FSTL5: variants seen among roughly 807,000 people sequenced by gnomAD.
FSTL5 encodes follistatin-related protein 5.
A neutral mutation model predicts 89.1 loss-of-function variants in FSTL5; 62 were observed. That is an observed-to-expected ratio of 0.70 (90% CI 0.57 to 0.86). The LOEUF (loss-of-function observed/expected upper bound fraction) is 0.86. Among genes scored for constraint, FSTL5 ranks in the 40% least tolerant of loss-of-function variants. The probability of loss-of-function intolerance (pLI) is 0.00; values close to 1 mark genes in which losing one functional copy is unlikely to be tolerated. For missense variants in FSTL5, 1,057 were observed against 1,001.6 expected, an observed-to-expected ratio of 1.06 and a Z score of -0.75; for synonymous variants, 383 against 346.2, an observed-to-expected ratio of 1.11 and a Z score of -1.18.
chr4:161,759,925 C>G (rs1046679820), intron 5 of FSTL5, among the ~76,000 whole-genome samples: 3 of 152,030 alleles, frequency 2.0e-5, no homozygotes, highest in Admixed American at 6.6e-5. Context: ...AAACAGTGGT[C>G]TTTCCCAACA....
intron 4 of FSTL5, among the ~76,000 whole-genome samples, chr4:161,829,139 T>TATA (rs376398343): frequency 2.1e-4 from 30 of 139,934 alleles, no homozygotes; most frequent in Admixed American, 2.9e-4. Flanking sequence ...CAGTCACATT[T>TATA]TATATATATA....
chr4:161,766,718 C>G (rs1167369820), intron 5 of FSTL5, among the ~76,000 whole-genome samples: 1 of 152,132 alleles, frequency 6.6e-6, no homozygotes, highest in East Asian at 1.9e-4. Flanking sequence ...TGAATTTAAT[C>G]AGAGGCTAAT....
rs372553494 is a variant in FSTL5, at chr4:161,699,810, C to T, written c.728-43316G>A. On this transcript the variant is annotated intron_variant, in intron 6 of 15. Coordinates refer to ENST00000306100, the MANE Select transcript of FSTL5 (RefSeq NM_020116.5). Reference sequence around the variant, plus strand: ...TATCTGATGCCAGAGTTGATGGGGGCAAAGAATGATTTAGAACCTAGAACA... The same window carrying T: ...TATCTGATGCCAGAGTTGATGGGGGTAAAGAATGATTTAGAACCTAGAACA... Among the ~76,000 whole-genome samples the T allele has an allele frequency of 5.9e-5, 9 of 152,134 alleles. No individual in the cohort carries two copies. In the East Asian group the frequency reaches 1.7e-3, roughly 30 times the overall value.
intron 15 of FSTL5, among the ~76,000 whole-genome samples, chr4:161,427,494 A>G (rs1732206611): frequency 6.6e-6 from 1 of 152,214 alleles, no homozygotes; most frequent in African/African-American, 2.4e-5. Context: ...AGTATTCCTT[A>G]GACTCTACGT....
chr4:161,707,178 T>C (rs1738611442), intron 6 of FSTL5, among the ~76,000 whole-genome samples: 1 of 151,910 alleles, frequency 6.6e-6, no homozygotes, highest in African/African-American at 2.4e-5. Flanking sequence ...TTATAATTTG[T>C]ATAAACAATT....
chr4:161,508,637 A>G (rs7694654), intron 11 of FSTL5, among the ~76,000 whole-genome samples: 2,576 of 152,256 alleles, frequency 0.017, 64 homozygotes, highest in African/African-American at 0.058. Context: ...GAAAGCTTCT[A>G]TTCTATACTT....
intron 3 of FSTL5, among the ~76,000 whole-genome samples, chr4:162,003,823 G>T (rs986748207): frequency 1.3e-5 from 2 of 152,004 alleles, no homozygotes; most frequent in Admixed American, 6.6e-5. Flanking sequence ...GTGAATACAG[G>T]GCTCTTTCCC....
chr4:162,143,733 CA>C (rs1561043071), intron 1 of FSTL5, among the ~76,000 whole-genome samples: 1,501 of 134,664 alleles, frequency 0.011, 33 homozygotes, highest in African/African-American at 0.038. Context: ...CACACACACA[CA>C]CACACACACA....
intron 6 of FSTL5, among the ~76,000 whole-genome samples, chr4:161,674,106 G>A: frequency 6.6e-6 from 1 of 151,982 alleles, no homozygotes; most frequent in East Asian, 1.9e-4. Context: ...ACTATTAATA[G>A]AAGTGTTTTT....
chr4:161,399,916 G>A (rs1731128389), intron 15 of FSTL5, among the ~76,000 whole-genome samples: 1 of 152,064 alleles, frequency 6.6e-6, no homozygotes. Flanking sequence ...TCTGGACTGT[G>A]AATGGCGCTA....
intron 2 of FSTL5, among the ~76,000 whole-genome samples, chr4:162,110,916 A>G (rs1309690443): frequency 6.6e-6 from 1 of 151,992 alleles, no homozygotes; most frequent in East Asian, 1.9e-4. Context: ...CATAACACTT[A>G]TTTAGTTTAA....
At chr4:162,010,047 T>C (rs961387943) in intron 3 of FSTL5, among the ~76,000 whole-genome samples, 4 of 151,940 alleles carry the variant, frequency 2.6e-5, no homozygotes, top group Admixed American at 1.3e-4. Flanking sequence ...ACTATGAACA[T>C]AAGTAGAGAT....
At position 161,397,744 on chromosome 4, in the gene FSTL5, G is replaced by A. The variant is rs1186814183; in HGVS notation, c.1842-11295C>T. Reference sequence around the variant, plus strand: ...TATATTAAAAATAAACAATGGTTAAGGTAATCTAACAAATGAGAGAAAATA... The same window carrying A: ...TATATTAAAAATAAACAATGGTTAAAGTAATCTAACAAATGAGAGAAAATA... On this transcript the variant is annotated intron_variant, in intron 15 of 15. Transcript: ENST00000306100. Among the ~76,000 whole-genome samples, 4 of 151,544 alleles carry A rather than the reference G, an allele frequency of 2.6e-5. No homozygotes were observed. In the East Asian group the frequency reaches 7.8e-4, roughly 29 times the overall value.
intron 15 of FSTL5, among the ~76,000 whole-genome samples, chr4:161,435,912 T>C (rs1560893919): frequency 6.6e-6 from 1 of 152,078 alleles, no homozygotes; most frequent in African/African-American, 2.4e-5. Flanking sequence ...TAAAACTTTT[T>C]TTAAAGTTTA....
chr4:161,535,235 C>T (rs533842038), intron 10 of FSTL5, among the ~76,000 whole-genome samples: 218 of 151,882 alleles, frequency 1.4e-3, no homozygotes, highest in South Asian at 9.1e-3. Flanking sequence ...CTAAGAAGTG[C>T]CTAATTAAAC....
At chr4:162,059,849 C>A (rs982617794) in intron 2 of FSTL5, among the ~76,000 whole-genome samples, 1 of 152,112 alleles carries the variant, frequency 6.6e-6, no homozygotes, top group Non-Finnish European at 1.5e-5. Context: ...GAAACTGACA[C>A]ACAGATGTCT....
At chr4:161,641,130 G>T (rs1735944292) in intron 7 of FSTL5, among the ~76,000 whole-genome samples, 1 of 152,142 alleles carries the variant, frequency 6.6e-6, no homozygotes, top group African/African-American at 2.4e-5. Flanking sequence ...CTGCTCACCT[G>T]CCCTGCTAGA....
At chr4:161,484,603 AAACT>A (rs1729616609) in intron 12 of FSTL5, among the ~76,000 whole-genome samples, 1 of 152,188 alleles carries the variant, frequency 6.6e-6, no homozygotes, top group South Asian at 2.1e-4. Context: ...CTTTCGCTCT[AAACT>A]AACCATGCTT....
intron 10 of FSTL5, among the ~76,000 whole-genome samples, chr4:161,530,459 T>TA (rs1180228136): frequency 6.8e-6 from 1 of 147,132 alleles, no homozygotes; most frequent in Non-Finnish European, 1.5e-5. Flanking sequence ...ATGTGTTTTT[T>TA]AAAAAATCTT....
Sources: allele counts gnomAD v4.1 joint callset (sites outside exome capture counted in the v4.1 genomes callset), GRCh38; gene constraint gnomAD v4.1.1; transcripts MANE v1.5; gene names NCBI Gene and HGNC (gene_info 2026-07-23, HGNC 2026-07-21).